ZNF33B: variants seen among roughly 807,000 people sequenced by gnomAD.
The protein encoded by ZNF33B is zinc finger protein 33B.
Under a neutral mutation model 45.8 loss-of-function variants are expected in ZNF33B, and 29 were observed. The observed-to-expected ratio is 0.63, with a 90% CI of 0.47 to 0.86. ZNF33B has a LOEUF of 0.86. Ranked by LOEUF, ZNF33B falls within the 40% of genes least tolerant of loss-of-function variation. The pLI, the probability that ZNF33B is intolerant of heterozygous loss-of-function variation, is 0.00. For missense variants in ZNF33B, 831 were observed against 909.9 expected, an observed-to-expected ratio of 0.91 and a Z score of 1.12; for synonymous variants, 305 against 307.8, an observed-to-expected ratio of 0.99 and a Z score of 0.10.
intron 4 of ZNF33B, among the ~76,000 whole-genome samples, chr10:42,604,966 A>T (rs1837777576): frequency 6.6e-6 from 1 of 151,996 alleles, no homozygotes; most frequent in African/African-American, 2.4e-5. Flanking sequence ...CTGGCAAAAT[A>T]ATCAGTAAAC....
chr10:42,600,352 C>T (rs183908028), intron 4 of ZNF33B, among the ~76,000 whole-genome samples: 1 of 152,204 alleles, frequency 6.6e-6, no homozygotes, highest in East Asian at 1.9e-4. Flanking sequence ...GATTTTGCTT[C>T]AAATATTTTG....
At chr10:42,598,991 C>A (rs1228165570) in intron 4 of ZNF33B, among the ~76,000 whole-genome samples, 9 of 152,200 alleles carry the variant, frequency 5.9e-5, no homozygotes, top group African/African-American at 2.2e-4. Flanking sequence ...GAATTCACTA[C>A]TGAAGCATCT....
chr10:42,610,513 G>A (rs1838057140), intron 4 of ZNF33B, among the ~76,000 whole-genome samples: 1 of 152,050 alleles, frequency 6.6e-6, no homozygotes, highest in Admixed American at 6.6e-5. Flanking sequence ...ACTCCACCCT[G>A]GGCAATAAGA....
intron 1 of ZNF33B, among the ~76,000 whole-genome samples, chr10:42,637,757 G>A (rs932839022): frequency 4.6e-5 from 7 of 152,058 alleles, no homozygotes; most frequent in Admixed American, 6.6e-5. Flanking sequence ...CCGCCTCCCG[G>A]GTTCAAGCAT....
chr10:42,593,530 A>T lies in ZNF33B; in HGVS notation c.1420T>A (p.Cys474Ser). The change falls in exon 5 of 5, where the codon TGT becomes AGT. Residue 474 changes from cysteine to serine, a missense_variant. Physicochemically the swap from Cys to Ser is moderately radical, Grantham distance 112. Transcript: ENST00000359467. ...TGEKPFECLE[C>S]GKSFCQKSHL... Reference sequence around the variant, plus strand: ...GACTTTTGACAAAAGGATTTCCCACACTCAAGACATTCAAAAGGTTTCTCA... The same window carrying T: ...GACTTTTGACAAAAGGATTTCCCACTCTCAAGACATTCAAAAGGTTTCTCA... 6.2e-7 allele frequency: 1 copy of T among 1,614,034 alleles called. No individual in the cohort carries two copies.
chr10:42,600,395 C>T (rs2132060307), intron 4 of ZNF33B, among the ~76,000 whole-genome samples: 1 of 152,162 alleles, frequency 6.6e-6, no homozygotes, highest in South Asian at 2.1e-4. Context: ...ATTGTTAAAT[C>T]CTCTTGATGA....
At chr10:42,582,949 C>A in intron 1 of ZNF33B, 1 of 570,182 alleles carries the variant, frequency 1.8e-6, no homozygotes. Flanking sequence ...TCTTCCACAG[C>A]ACGCCAGTGT....
intron 1 of ZNF33B, among the ~76,000 whole-genome samples, chr10:42,637,583 G>A (rs1476953496): frequency 6.6e-6 from 1 of 152,184 alleles, no homozygotes; most frequent in African/African-American, 2.4e-5. Flanking sequence ...GAACAAGTCA[G>A]TAACCTTGAC....
At chr10:42,623,856 A>G (rs1838692037) in intron 4 of ZNF33B, among the ~76,000 whole-genome samples, 1 of 152,262 alleles carries the variant, frequency 6.6e-6, no homozygotes, top group African/African-American at 2.4e-5. Flanking sequence ...ACAAAACAAT[A>G]TATTGTCAAA....
intron 4 of ZNF33B, among the ~76,000 whole-genome samples, chr10:42,625,622 C>T (rs1197673196): frequency 2.0e-5 from 3 of 152,148 alleles, no homozygotes; most frequent in South Asian, 2.1e-4. Context: ...TACTGGCATG[C>T]GCCACCACAC....
rs144966465 is a variant in ZNF33B, at chr10:42,582,106, ACT to A, written c.74-7430_74-7429del. Reference sequence around the variant, plus strand: ...ACTTCAGCCTGGGCATTGCAGCGACACTCTGTCTCAAAACAAACAAACAAAAA... The same window carrying A: ...ACTTCAGCCTGGGCATTGCAGCGACACTGTCTCAAAACAAACAAACAAAAA... On this transcript the variant is annotated intron_variant, in intron 1 of 1. Transcript: ENST00000462075. 944 of 152,304 alleles carry A rather than the reference ACT, an allele frequency of 6.2e-3. 35 individuals carry two copies. In the East Asian group the frequency reaches 0.086, roughly 14 times the overall value. The allele number at this position is 152,304 out of a possible 1,614,324, so 9.4% of individuals were successfully genotyped here.
chr10:42,595,942 C>T lies in ZNF33B; in HGVS notation c.251-1243G>A, dbSNP rs184177276. ...AAAAAGAGCCAAAGGGGAAACTACACTTGACTGAAACTTGAATAAACAGCA... is the reference window on the plus strand; with the variant it reads ...AAAAAGAGCCAAAGGGGAAACTACATTTGACTGAAACTTGAATAAACAGCA... On this transcript the variant is annotated intron_variant, in intron 4 of 4. Transcript: ENST00000359467. 1.2e-3 allele frequency among the ~76,000 whole-genome samples: 180 copies of T among 152,044 alleles called. 1 individual carries two copies. The highest frequency in any genetic ancestry group is 8.9e-3 in the South Asian group (43 of 4,808).
intron 2 of ZNF33B, among the ~76,000 whole-genome samples, chr10:42,634,407 G>GT (rs1044064588): frequency 1.6e-4 from 24 of 152,020 alleles, no homozygotes; most frequent in Non-Finnish European, 5.9e-5. Context: ...AAAAAAAAAG[G>GT]TAAGAAATTC....
chr10:42,577,492 T>C (rs1297062541), intron 1 of ZNF33B, among the ~76,000 whole-genome samples: 1 of 152,204 alleles, frequency 6.6e-6, no homozygotes, highest in African/African-American at 2.4e-5. Context: ...ATCTTGTAAG[T>C]TGTCACTTGC....
At chr10:42,589,062 G>T (rs946040633), downstream of ZNF33B, 7 of 352,992 alleles carry the variant, frequency 2.0e-5, no homozygotes, top group African/African-American at 1.5e-4. Flanking sequence ...AGAAACACAC[G>T]ACTAACAAAA....
intron 4 of ZNF33B, among the ~76,000 whole-genome samples, chr10:42,609,055 T>A (rs1837988856): frequency 1.3e-5 from 2 of 151,946 alleles, no homozygotes; most frequent in South Asian, 2.1e-4. Flanking sequence ...TAAAACCAAC[T>A]CAAGAAGAAA....
chr10:42,629,823 A>G (rs905923035), intron 4 of ZNF33B, among the ~76,000 whole-genome samples: 6 of 152,144 alleles, frequency 3.9e-5, no homozygotes, highest in Admixed American at 3.3e-4. Flanking sequence ...TAAGTGTACC[A>G]CATTTTATAG....
intron 4 of ZNF33B, among the ~76,000 whole-genome samples, chr10:42,600,952 C>G (rs1240477630): frequency 2.6e-5 from 4 of 152,150 alleles, no homozygotes; most frequent in African/African-American, 7.2e-5. Context: ...AGATTTCCAT[C>G]AGACATCAGA....
chr10:42,588,317 G>C (rs923478645), downstream of ZNF33B, among the ~76,000 whole-genome samples: 2 of 152,220 alleles, frequency 1.3e-5, no homozygotes, highest in Non-Finnish European at 2.9e-5. Context: ...CCTAAGAAAA[G>C]TGCATTACAG....
Sources: gnomAD v4.1 joint callset for allele counts (sites outside exome capture counted in the v4.1 genomes callset) on GRCh38, gnomAD v4.1.1 for gene constraint, MANE v1.5 for transcripts, NCBI Gene and HGNC (gene_info 2026-07-23, HGNC 2026-07-21) for gene names.